The following CPLX4 variants were observed in gnomAD, a reference collection of about 807,000 sequenced individuals.
CPLX4 encodes complexin 4.
A neutral mutation model predicts 16.1 loss-of-function variants in CPLX4; 17 were observed. That is an observed-to-expected ratio of 1.06 (90% CI 0.72 to 1.59). The LOEUF (loss-of-function observed/expected upper bound fraction) is 1.59, where lower values mean the gene tolerates loss of function less well. Among genes scored for constraint, CPLX4 ranks in the 40% most tolerant of loss-of-function variants. The probability of loss-of-function intolerance (pLI) is 0.00; values close to 1 mark genes in which losing one functional copy is unlikely to be tolerated. For synonymous variants in CPLX4, 55 were observed against 57.8 expected, an observed-to-expected ratio of 0.95 and a Z score of 0.22; for missense variants, 193 against 192.9, an observed-to-expected ratio of 1.00 and a Z score of 0.00.
intron 2 of CPLX4, among the ~76,000 whole-genome samples, chr18:59,298,276 C>T (rs2070516797): frequency 6.6e-6 from 1 of 151,994 alleles, no homozygotes; most frequent in East Asian, 1.9e-4. Context: ...ACCACTTAGG[C>T]TATAGAGTCT....
chr18:59,305,233 A>G (rs1470754213), intron 2 of CPLX4, among the ~76,000 whole-genome samples: 1 of 152,122 alleles, frequency 6.6e-6, no homozygotes, highest in Non-Finnish European at 1.5e-5. Context: ...CAGGGAACGA[A>G]GCAGGAGGAA....
intron 2 of CPLX4, among the ~76,000 whole-genome samples, chr18:59,302,723 C>A (rs1027072756): frequency 1.3e-5 from 2 of 152,194 alleles, no homozygotes; most frequent in African/African-American, 4.8e-5. Context: ...AAAGGATAAA[C>A]ATGACCCTGG....
At chr18:59,298,307 G>A (rs1374216429) in intron 2 of CPLX4, among the ~76,000 whole-genome samples, 1 of 152,080 alleles carries the variant, frequency 6.6e-6, no homozygotes, top group Admixed American at 6.5e-5. Context: ...AATGAGAGAG[G>A]AGTCTAAAGA....
intron 2 of CPLX4, among the ~76,000 whole-genome samples, chr18:59,312,454 A>ATC (rs1216593353): frequency 4.7e-5 from 7 of 147,584 alleles, no homozygotes; most frequent in Non-Finnish European, 7.4e-5. Context: ...ATATATATAT[A>ATC]TCTCCTGAAT....
At chr18:59,306,392 T>C (rs1454249404) in intron 2 of CPLX4, among the ~76,000 whole-genome samples, 1 of 152,248 alleles carries the variant, frequency 6.6e-6, no homozygotes, top group Non-Finnish European at 1.5e-5. Flanking sequence ...CATATACATA[T>C]ACATACTTAC....
chr18:59,304,101 T>C (rs2070559715), intron 2 of CPLX4, among the ~76,000 whole-genome samples: 2 of 152,216 alleles, frequency 1.3e-5, no homozygotes, highest in Admixed American at 6.5e-5. Context: ...GTGACACATT[T>C]AAAGAAAACT....
chr18:59,309,974 T>A (rs1278862447), intron 2 of CPLX4, among the ~76,000 whole-genome samples: 1 of 152,152 alleles, frequency 6.6e-6, no homozygotes, highest in Non-Finnish European at 1.5e-5. Context: ...TCACAGGAGA[T>A]GTGGCTTATT....
chr18:59,311,300 G>A (rs2070615497), intron 2 of CPLX4, among the ~76,000 whole-genome samples: 1 of 152,206 alleles, frequency 6.6e-6, no homozygotes, highest in African/African-American at 2.4e-5. Flanking sequence ...TTCATTGGTT[G>A]TGAATGAAAT....
chr18:59,309,935 G>A (rs1300223606), intron 2 of CPLX4, among the ~76,000 whole-genome samples: 2 of 151,986 alleles, frequency 1.3e-5, no homozygotes, highest in Non-Finnish European at 2.9e-5. Context: ...TTTCATGGTT[G>A]TGGGGCCTGA....
intron 2 of CPLX4, among the ~76,000 whole-genome samples, chr18:59,307,848 T>G: frequency 6.8e-6 from 1 of 147,628 alleles, no homozygotes. Flanking sequence ...GCATCCCGGG[T>G]TCCAGCAATT....
intron 2 of CPLX4, among the ~76,000 whole-genome samples, chr18:59,299,481 GTGTCA>G (rs2070524929): frequency 6.6e-6 from 1 of 152,166 alleles, no homozygotes; most frequent in East Asian, 1.9e-4. Context: ...AGAGGAAAGC[GTGTCA>G]GCCAGCCAGG....
chr18:59,312,428 ATG>A lies in CPLX4; in HGVS notation c.255+255_255+256del, dbSNP rs986830282. 3.7e-5 allele frequency among the ~76,000 whole-genome samples: 5 copies of A among 135,476 alleles called. No individual in the cohort carries two copies. The East Asian group carries it at 8.6e-4, about 23-fold the overall frequency. The allele number at this position is 135,476 out of a possible 152,430, so 88.9% of individuals were successfully genotyped here. On this transcript the variant is annotated intron_variant, in intron 2 of 2. Coordinates refer to ENST00000299721, the MANE Select transcript of CPLX4 (RefSeq NM_181654.4). Reference sequence around the variant, plus strand: ...GCATATATATATATATATCCTGAATATGTGTGTGTGTATATATATATATATAT... The same window carrying A: ...GCATATATATATATATATCCTGAATATGTGTGTGTATATATATATATATAT...
At chr18:59,315,497 G>A (rs945433334) in intron 1 of CPLX4, among the ~76,000 whole-genome samples, 1 of 151,898 alleles carries the variant, frequency 6.6e-6, no homozygotes, top group Admixed American at 6.6e-5. Context: ...TTTCTAAATG[G>A]CATCTTTTAA....
chr18:59,309,653 G>C (rs1019447625), intron 2 of CPLX4, among the ~76,000 whole-genome samples: 7 of 151,610 alleles, frequency 4.6e-5, no homozygotes, highest in Non-Finnish European at 8.8e-5. Flanking sequence ...GAAACCCCGT[G>C]TCTACTAAAA....
Position 59,312,708 on chromosome 18 carries a change from TGA to T in CPLX4, c.230_231del (p.Leu77GlnfsTer10). On this transcript the variant is annotated frameshift_variant, in exon 2 of 3. Transcript: ENST00000299721. LOFTEE classifies it high-confidence loss of function. ...KAERACLRVH[L>X]REKYRLPKSE... ...ACCTTTGGGAGCCTGTATTTTTCTC[TGA>T]GATGAACTCTGAGGCATGCCCTTTC... 2 of 1,403,040 alleles carry T rather than the reference TGA, an allele frequency of 1.4e-6. No individual in the cohort carries two copies. The highest frequency in any genetic ancestry group is 1.2e-5 in the South Asian group (1 of 86,832). 86.9% of individuals were successfully genotyped at this position (1,403,040 alleles called of 1,614,324 possible).
chr18:59,298,239 A>G (rs1196800159), intron 2 of CPLX4, among the ~76,000 whole-genome samples: 1 of 151,790 alleles, frequency 6.6e-6, no homozygotes, highest in African/African-American at 2.4e-5. Context: ...ACAGGTATGC[A>G]CCCCCATACT....
intron 2 of CPLX4, among the ~76,000 whole-genome samples, chr18:59,311,522 T>C (rs2070616714): frequency 6.6e-6 from 1 of 152,172 alleles, no homozygotes; most frequent in Non-Finnish European, 1.5e-5. Flanking sequence ...AAGGAATTGG[T>C]TTAGCAGCAC....
chr18:59,298,340 A>G (rs917106557), intron 2 of CPLX4, among the ~76,000 whole-genome samples: 2 of 152,166 alleles, frequency 1.3e-5, no homozygotes, highest in Non-Finnish European at 2.9e-5. Context: ...GGGAAAGGTT[A>G]ACAGTAGCTT....
chr18:59,302,052 G>A lies in CPLX4; in HGVS notation c.256-5127C>T, dbSNP rs141397649. On this transcript the variant is annotated intron_variant, in intron 2 of 2. Coordinates refer to ENST00000299721, the MANE Select transcript of CPLX4 (RefSeq NM_181654.4). ...AGAAGGCATGGACAGTGAAAGAGAC[G>A]GTGGGAGAGTATCGGCCCTTAAGAG... is the stretch of plus-strand genomic sequence containing the variant. Among the ~76,000 whole-genome samples, 1,002 of 152,322 alleles carry A rather than the reference G, an allele frequency of 6.6e-3. 6 individuals carry two copies. Among genetic ancestry groups the A allele is most frequent in the African/African-American group, 0.011 (478 of 41,576 alleles).
Sources: gnomAD v4.1 joint callset for allele counts (sites outside exome capture counted in the v4.1 genomes callset) on GRCh38, gnomAD v4.1.1 for gene constraint, MANE v1.5 for transcripts, NCBI Gene and HGNC (gene_info 2026-07-23, HGNC 2026-07-21) for gene names.